OR2M3: variants seen among roughly 807,000 people sequenced by gnomAD.
The protein encoded by OR2M3 is olfactory receptor 2M3.
OR2M3 carries 1 observed loss-of-function variant against 4.3 expected under a neutral mutation model. The observed-to-expected ratio is 0.23, with a 90% CI of 0.08 to 1.11. The LOEUF (loss-of-function observed/expected upper bound fraction) is 1.11, where lower values mean the gene tolerates loss of function less well. Ranked by LOEUF, OR2M3 falls within the 50% of genes most tolerant of loss-of-function variation. The pLI, the probability that OR2M3 is intolerant of heterozygous loss-of-function variation, is 0.54. For synonymous variants in OR2M3, 151 were observed against 139.4 expected, an observed-to-expected ratio of 1.08 and a Z score of -0.59; for missense variants, 410 against 390.4, an observed-to-expected ratio of 1.05 and a Z score of -0.42.
In OR2M3 at chr1:248,209,656, G is replaced by A. The variant is rs1666259554; in HGVS notation, c.*5650G>A. The A allele has an allele frequency of 1.3e-5, 2 of 152,316 alleles. No individual in the cohort carries two copies. Among genetic ancestry groups the A allele is most frequent in the African/African-American group, 2.4e-5 (1 of 41,562 alleles). 9.4% of individuals were successfully genotyped at this position (152,316 alleles called of 1,614,324 possible). ...ATCCTGTAATATGATCTGTCTTCAG[G>A]TCTTGCAGCCATGGATACCAGTTCC... On this transcript the variant is annotated 3_prime_UTR_variant, in exon 2 of 2. Transcript: ENST00000641626.
In OR2M3 at chr1:248,206,539, C is replaced by T. The variant is rs1666225877; in HGVS notation, c.*2533C>T. On this transcript the variant is annotated 3_prime_UTR_variant, in exon 2 of 2. Coordinates refer to ENST00000641626, the MANE Select transcript of OR2M3 (RefSeq NM_001004689.2). Reference sequence around the variant, plus strand: ...AAGGGATGTGGGATTTCATCAAATGCTTTTTCTCTGTCTATTGAGATGATC... The same window carrying T: ...AAGGGATGTGGGATTTCATCAAATGTTTTTTCTCTGTCTATTGAGATGATC... The T allele has an allele frequency of 6.6e-6, 1 of 151,946 alleles. No individual in the cohort carries two copies. Among genetic ancestry groups the T allele is most frequent in the African/African-American group, 2.4e-5 (1 of 41,376 alleles). The allele number at this position is 151,946 out of a possible 1,614,324, so 9.4% of individuals were successfully genotyped here.
rs558302656 is a variant in OR2M3, at chr1:248,212,375, T to A, written c.*8369T>A. 4.6e-5 allele frequency: 7 copies of A among 152,174 alleles called. No individual in the cohort carries two copies. The East Asian group carries it at 1.3e-3, about 29-fold the overall frequency. 9.4% of individuals were successfully genotyped at this position (152,174 alleles called of 1,614,324 possible). A position where few individuals can be genotyped will look rare whatever the true frequency, so the allele number is the denominator to read the frequency against. The stretch of plus-strand genomic sequence containing the variant: ...CAAAATGCATAATTAATTATAGTTA[T>A]CTTAAATCACTTGGCCAAATAAGGA... On this transcript the variant is annotated 3_prime_UTR_variant, in exon 2 of 2. Transcript: ENST00000641626.
Position 248,208,151 on chromosome 1 carries a change from A to G in OR2M3, c.*4145A>G, listed in dbSNP as rs966017039. The G allele has an allele frequency of 5.3e-5, 8 of 151,900 alleles. No homozygotes were observed. Among genetic ancestry groups the G allele is most frequent in the African/African-American group, 1.9e-4 (8 of 41,410 alleles). 9.4% of individuals were successfully genotyped at this position (151,900 alleles called of 1,614,324 possible). ...CTATTCCTGCTTGCTTTTGGTGTCA[A>G]TTTGCATGGAATATGTTCTTTCACC... On this transcript the variant is annotated 3_prime_UTR_variant, in exon 2 of 2. Coordinates refer to ENST00000641626, the MANE Select transcript of OR2M3 (RefSeq NM_001004689.2).
chr1:248,203,289 C>T lies in OR2M3; in HGVS notation c.222C>T (p.Ile74=). 6.2e-7 allele frequency: 1 copy of T among 1,614,102 alleles called. No homozygotes were observed. The highest frequency in any genetic ancestry group is 1.1e-5 in the South Asian group (1 of 91,068). The change falls in exon 2 of 2, where the codon ATC becomes ATT. Residue 74 remains isoleucine, a synonymous_variant. Coordinates refer to ENST00000641626, the MANE Select transcript of OR2M3 (RefSeq NM_001004689.2). ...SQLSLMDLML[I]CTTVPKMAFN... ...TGTCCCTCATGGACCTCATGCTCAT[C>T]TGCACCACCGTACCCAAGATGGCCT...
chr1:248,200,007 T>C (rs747937963), intron 1 of OR2M3, among the ~76,000 whole-genome samples: 92 of 152,124 alleles, frequency 6.0e-4, no homozygotes, highest in Non-Finnish European at 1.1e-3. Flanking sequence ...GGATAAATGA[T>C]GGAGTAGAAT....
chr1:248,203,411 T>G lies in OR2M3; in HGVS notation c.344T>G (p.Leu115Trp), dbSNP rs757319894. Residue 115 changes from leucine to tryptophan, a missense_variant, in exon 2 of 2, where the codon TTG (leucine) becomes TGG (tryptophan). Transcript: ENST00000641626. ...CTGCTTGGCTCTGAGTGCTTTCTTT[T>G]GGCTGTTATGGCTTATGACCGCTAC... ...TSLLGSECFL[L>W]AVMAYDRYTA... 2.5e-6 allele frequency: 4 copies of G among 1,614,112 alleles called. No individual in the cohort carries two copies. The East Asian group carries it at 8.9e-5, about 36-fold the overall frequency.
In OR2M3 at chr1:248,206,392, A is replaced by G. The variant is rs554025165; in HGVS notation, c.*2386A>G. ...TGTCTTGTTCCAGTTCTCAGGGGGA[A>G]TGCTTTCCAATTTTCCCCTTTCAGT... On this transcript the variant is annotated 3_prime_UTR_variant, in exon 2 of 2. Transcript: ENST00000641626. The G allele has an allele frequency of 1.3e-5, 2 of 152,186 alleles. No homozygotes were observed. The highest frequency in any genetic ancestry group is 2.4e-5 in the African/African-American group (1 of 41,530). The allele number at this position is 152,186 out of a possible 1,614,324, so 9.4% of individuals were successfully genotyped here.
chr1:248,201,347 T>C (rs1666154387), intron 1 of OR2M3, among the ~76,000 whole-genome samples: 1 of 152,112 alleles, frequency 6.6e-6, no homozygotes, highest in African/African-American at 2.4e-5. Context: ...AGTGTGAGGT[T>C]TCCCTTGACT....
At chr1:248,202,014 G>C (rs1666163162) in intron 1 of OR2M3, among the ~76,000 whole-genome samples, 1 of 152,078 alleles carries the variant, frequency 6.6e-6, no homozygotes, top group South Asian at 2.1e-4. Context: ...TTCTCTAGAG[G>C]AGATATTGGA....
chr1:248,197,349 A>AAATTTC (rs1666108362), intron 1 of OR2M3, 48 bp downstream of exon 1: 1 of 152,144 alleles, frequency 6.6e-6, no homozygotes, highest in South Asian at 2.1e-4. Context: ...GACTTTGTAT[A>AAATTTC]AGCTAGTGCT....
In OR2M3 at chr1:248,204,256, T is replaced by C. The variant is rs757063597; in HGVS notation, c.*250T>C. 2.2e-5 allele frequency: 7 copies of C among 320,054 alleles called. No individual in the cohort carries two copies. Among genetic ancestry groups the C allele is most frequent in the African/African-American group, 8.7e-5 (4 of 45,756 alleles). 19.8% of individuals were successfully genotyped at this position (320,054 alleles called of 1,614,324 possible). ...AAAGTTTTAAAAATTATTTTTAATT[T>C]CCATAGGTTTTTGGAGAACAGGTAG... is the stretch of plus-strand genomic sequence containing the variant. On this transcript the variant is annotated 3_prime_UTR_variant, in exon 2 of 2. Transcript: ENST00000641626.
Position 248,203,784 on chromosome 1 carries a change from T to C in OR2M3, c.717T>C (p.Thr239=). The change falls in exon 2 of 2, where the codon ACT becomes ACC. Residue 239 remains threonine, a synonymous_variant. Coordinates refer to ENST00000641626, the MANE Select transcript of OR2M3 (RefSeq NM_001004689.2). The part of the protein sequence containing the change: ...GSGEGRRKAF[T]TCSSHLLVVG... ...GAGAGGGTCGTCGCAAAGCTTTTACTACTTGTTCCTCTCACCTCTTGGTGG... is the reference window on the plus strand; with the variant it reads ...GAGAGGGTCGTCGCAAAGCTTTTACCACTTGTTCCTCTCACCTCTTGGTGG... The C allele has an allele frequency of 1.2e-6, 2 of 1,612,870 alleles. No homozygotes were observed. The highest frequency in any genetic ancestry group is 1.7e-6 in the Non-Finnish European group (2 of 1,179,816).
rs1240309997 is a variant in OR2M3 at position 248,206,962 on chromosome 1, T to C, written c.*2956T>C. 6.6e-6 allele frequency: 1 copy of C among 151,912 alleles called. No homozygotes were observed. The highest frequency in any genetic ancestry group is 1.9e-4 in the East Asian group (1 of 5,184). The allele number at this position is 151,912 out of a possible 1,614,324, so 9.4% of individuals were successfully genotyped here. A position where few individuals can be genotyped will look rare whatever the true frequency, so the allele number is the denominator to read the frequency against. On this transcript the variant is annotated 3_prime_UTR_variant, in exon 2 of 2. Coordinates refer to ENST00000641626, the MANE Select transcript of OR2M3 (RefSeq NM_001004689.2). ...TCCTGGACTTTTTTTTGGCAATTTT[T>C]TTCATTACAATTTCAGTCATGCTGC...
rs1666276720 is a variant in OR2M3 at position 248,211,031 on chromosome 1, A to C, written c.*7025A>C. On this transcript the variant is annotated 3_prime_UTR_variant, in exon 2 of 2. Coordinates refer to ENST00000641626, the MANE Select transcript of OR2M3 (RefSeq NM_001004689.2). ...AAGTTTTCTGTTTATTCAGTATCAT[A>C]AATGTTGAAGTATGCACCAAGGTAG... is the stretch of plus-strand genomic sequence containing the variant. The C allele has an allele frequency of 1.3e-5, 2 of 152,238 alleles. No individual in the cohort carries two copies. Among genetic ancestry groups the C allele is most frequent in the Non-Finnish European group, 2.9e-5 (2 of 68,046 alleles). 9.4% of individuals were successfully genotyped at this position (152,238 alleles called of 1,614,324 possible). A position where few individuals can be genotyped will look rare whatever the true frequency, so the allele number is the denominator to read the frequency against.
Position 248,203,211 on chromosome 1 carries a change from C to A in OR2M3, c.144C>A (p.Leu48=). 6.2e-7 allele frequency: 1 copy of A among 1,613,916 alleles called. No homozygotes were observed. The highest frequency in any genetic ancestry group is 8.5e-7 in the Non-Finnish European group (1 of 1,179,942). Reference sequence around the variant, plus strand: ...TGGGAAACTCTGTCATGGTTCTCCTCATCTACCTGGACACCCAGCTCCACA... The same window carrying A: ...TGGGAAACTCTGTCATGGTTCTCCTAATCTACCTGGACACCCAGCTCCACA... ...AFMGNSVMVL[L]IYLDTQLHTP... is the part of the protein sequence containing the mutation. Residue 48 remains leucine (L), a synonymous_variant, in exon 2 of 2, where the codon CTC becomes CTA. Coordinates refer to ENST00000641626, the MANE Select transcript of OR2M3 (RefSeq NM_001004689.2).
At chr1:248,197,967 A>T (rs1433785555) in intron 1 of OR2M3, among the ~76,000 whole-genome samples, 1 of 152,118 alleles carries the variant, frequency 6.6e-6, no homozygotes, top group East Asian at 1.9e-4. Flanking sequence ...TGTGAAAAAG[A>T]ATCTGAAATC....
In OR2M3 at chr1:248,207,627, T is replaced by G. The variant is rs1285515756; in HGVS notation, c.*3621T>G. The G allele has an allele frequency of 6.6e-6, 1 of 152,054 alleles. No homozygotes were observed. Among genetic ancestry groups the G allele is most frequent in the African/African-American group, 2.4e-5 (1 of 41,432 alleles). 9.4% of individuals were successfully genotyped at this position (152,054 alleles called of 1,614,324 possible). A position where few individuals can be genotyped will look rare whatever the true frequency, so the allele number is the denominator to read the frequency against. On this transcript the variant is annotated 3_prime_UTR_variant, in exon 2 of 2. Coordinates refer to ENST00000641626, the MANE Select transcript of OR2M3 (RefSeq NM_001004689.2). ...TATTTGCAAGGTTTTGAGGGTTCCT[T>G]TTGGAGTTGATTTTCAATTTTATTC... is the stretch of plus-strand genomic sequence containing the variant.
Position 248,203,288 on chromosome 1 carries a change from T to A in OR2M3, c.221T>A (p.Ile74Asn), listed in dbSNP as rs776540057. 2.4e-5 allele frequency: 38 copies of A among 1,613,982 alleles called. No homozygotes were observed. In the South Asian group the frequency reaches 4.2e-4, roughly 18 times the overall value. The change falls in exon 2 of 2, where the codon ATC becomes AAC. Residue 74 changes from isoleucine to asparagine, a missense_variant. By Grantham distance (149) the Ile-to-Asn change is moderately radical (BLOSUM62 -3). Transcript: ENST00000641626. ...SQLSLMDLMLICTTVPKMAFN... is the reference protein window; with the variant it reads ...SQLSLMDLMLNCTTVPKMAFN... Reference sequence around the variant, plus strand: ...CTGTCCCTCATGGACCTCATGCTCATCTGCACCACCGTACCCAAGATGGCC... The same window carrying A: ...CTGTCCCTCATGGACCTCATGCTCAACTGCACCACCGTACCCAAGATGGCC...
At chr1:248,197,637 A>G (rs1351904235) in intron 1 of OR2M3, among the ~76,000 whole-genome samples, 1 of 152,142 alleles carries the variant, frequency 6.6e-6, no homozygotes, top group Non-Finnish European at 1.5e-5. Flanking sequence ...GATGAGAACC[A>G]TAAACAATGA....
Sources: allele counts gnomAD v4.1 joint callset (sites outside exome capture counted in the v4.1 genomes callset), GRCh38; gene constraint gnomAD v4.1.1; transcripts MANE v1.5; gene names NCBI Gene and HGNC (gene_info 2026-07-23, HGNC 2026-07-21).